SLC15A1: variants seen among roughly 807,000 people sequenced by gnomAD.
SLC15A1 encodes Caco-2 oligopeptide transporter.
A neutral mutation model predicts 92.9 loss-of-function variants in SLC15A1; 83 were observed. The observed-to-expected ratio is 0.89, with a 90% CI of 0.75 to 1.07. The LOEUF is 1.07. Among genes scored for constraint, SLC15A1 ranks in the 50% least tolerant of loss-of-function variants. The pLI is 0.00. For missense variants in SLC15A1, 857 were observed against 880.1 expected (o/e 0.97, Z 0.33); for synonymous variants, 322 against 318.2 (o/e 1.01, Z -0.13).
intron 16 of SLC15A1, among the ~76,000 whole-genome samples, chr13:98,705,433 A>G (rs2088105100): frequency 6.6e-6 from 1 of 152,156 alleles, no homozygotes; most frequent in African/African-American, 2.4e-5. Flanking sequence ...TGCCAGCAGC[A>G]TACTCCCAGT....
At chr13:98,686,138 A>G in intron 22 of SLC15A1, 52 bp downstream of exon 22, 1 of 1,342,650 alleles carries the variant, frequency 7.4e-7, no homozygotes, top group Non-Finnish European at 1.1e-6. Flanking sequence ...CACCATGATG[A>G]CCATGAACAG....
chr13:98,721,875 T>A lies in SLC15A1; in HGVS notation c.394A>T (p.Ile132Leu), dbSNP rs776190122. ...VVLSLIGLALIALGTGGIKPC... is the reference protein window; with the variant it reads ...VVLSLIGLALLALGTGGIKPC... ...TTGATTCCTCCAGTCCCGAGAGCTA[T>A]CAGGGCCAGGCCGATCAAGGACAGC... The change falls in exon 6 of 23, where the codon ATA becomes TTA. Residue 132 changes from isoleucine (I) to leucine (L), a missense_variant. By Grantham distance (5) the Ile-to-Leu change is conservative (BLOSUM62 2). Transcript: ENST00000376503. The A allele has an allele frequency of 6.2e-7, 1 of 1,613,998 alleles. No homozygotes were observed. Among genetic ancestry groups the A allele is most frequent in the South Asian group, 1.1e-5 (1 of 91,048 alleles).
intron 22 of SLC15A1, among the ~76,000 whole-genome samples, chr13:98,685,822 C>T (rs1438664173): frequency 6.6e-6 from 1 of 152,174 alleles, no homozygotes; most frequent in East Asian, 1.9e-4. Context: ...ACTGTCTCTA[C>T]TAAAAATACA....
At chr13:98,697,658 A>G (rs1379687019) in intron 18 of SLC15A1, among the ~76,000 whole-genome samples, 9 of 147,026 alleles carry the variant, frequency 6.1e-5, no homozygotes, top group Non-Finnish European at 3.0e-5. Flanking sequence ...TCAAGCCTCC[A>G]AAGTTATGGA....
chr13:98,689,453 A>G (rs1037153441), intron 18 of SLC15A1, among the ~76,000 whole-genome samples: 13 of 151,802 alleles, frequency 8.6e-5, no homozygotes, highest in African/African-American at 3.1e-4. Context: ...CGGTTTTTTC[A>G]GTCTTTTTTA....
intron 4 of SLC15A1, 36 bp from the exon 5 acceptor site, chr13:98,724,067 T>A (rs748873189): frequency 6.2e-7 from 1 of 1,611,688 alleles, no homozygotes; most frequent in Non-Finnish European, 8.5e-7. Context: ...CCGAGTTAAT[T>A]GCACAATAGC....
chr13:98,743,584 T>C (rs1023026319), intron 1 of SLC15A1, among the ~76,000 whole-genome samples: 3 of 152,160 alleles, frequency 2.0e-5, no homozygotes, highest in African/African-American at 7.2e-5. Flanking sequence ...AGGGTTCACA[T>C]GCAGCAAAGC....
rs550700409 is a variant in SLC15A1 at position 98,702,497 on chromosome 13, T to C, written c.1449A>G (p.Lys483=). 384 of 1,606,646 alleles carry C rather than the reference T, an allele frequency of 2.4e-4. 1 individual carries two copies. The Middle Eastern group carries it at 3.6e-3, about 15-fold the overall frequency. Residue 483 remains lysine, a synonymous_variant, in exon 18 of 23, where the codon AAA becomes AAG. Transcript: ENST00000376503. ...VKDGLNQKPE[K]GENGIRFVNT... ...ATACATACCTGATTCCATTTTCCCCTTTTTCTGGCTTCTGGTTAAGACCAT... is the reference window on the plus strand; with the variant it reads ...ATACATACCTGATTCCATTTTCCCCCTTTTCTGGCTTCTGGTTAAGACCAT...
In SLC15A1 at chr13:98,709,589, T is replaced by C. The variant is rs1300178612; in HGVS notation, c.1050A>G (p.Lys350=). ...TCACCTACGTGAAATTGAAGCCACA[T>C]TTTGCAATGAGAGGGTACAGCACAG... ...FDAVLYPLIA[K]CGFNFTSLKK... Residue 350 remains lysine, a synonymous_variant, in exon 14 of 23, where the codon AAA becomes AAG. Transcript: ENST00000376503. 1 of 1,614,098 alleles carries C rather than the reference T, an allele frequency of 6.2e-7. No individual in the cohort carries two copies. The highest frequency in any genetic ancestry group is 8.5e-7 in the Non-Finnish European group (1 of 1,180,028).
At chr13:98,710,808 CAAAAAAAA>C (rs4646225) in intron 11 of SLC15A1, among the ~76,000 whole-genome samples, 9 of 71,678 alleles carry the variant, frequency 1.3e-4, no homozygotes, top group East Asian at 4.3e-4. Flanking sequence ...ACTCTTGACT[CAAAAAAAA>C]AAAAAAAAAA....
chr13:98,709,571 C>G lies in SLC15A1; in HGVS notation c.1067+1G>C, dbSNP rs534049646. On this transcript the variant is annotated splice_donor_variant, in intron 14 of 22. Transcript: ENST00000376503. LOFTEE classifies it high-confidence loss of function. ...ACCAACCCAACCCACCCGTCACCTA[C>G]GTGAAATTGAAGCCACATTTTGCAA... 1 of 1,613,950 alleles carries G rather than the reference C, an allele frequency of 6.2e-7. No individual in the cohort carries two copies. The highest frequency in any genetic ancestry group is 1.1e-5 in the South Asian group (1 of 91,040).
rs1268295936 is a variant in SLC15A1 at position 98,749,587 on chromosome 13, T to C, written c.4+3008A>G. Among the ~76,000 whole-genome samples, 8 of 152,170 alleles carry C rather than the reference T, an allele frequency of 5.3e-5. No homozygotes were observed. In the East Asian group the frequency reaches 1.5e-3, roughly 29 times the overall value. On this transcript the variant is annotated intron_variant, in intron 1 of 22. Transcript: ENST00000376503. Reference sequence around the variant, plus strand: ...GAAGGCTTCGGAGGCTGCTTTTTCTTACTGACGCTTCTTCCCAGCATATAA... The same window carrying C: ...GAAGGCTTCGGAGGCTGCTTTTTCTCACTGACGCTTCTTCCCAGCATATAA...
At chr13:98,707,897 A>ATT (rs1566447965) in intron 15 of SLC15A1, among the ~76,000 whole-genome samples, 22 of 54,242 alleles carry the variant, frequency 4.1e-4, no homozygotes, top group African/African-American at 9.2e-4. Context: ...TGTTTAAAAA[A>ATT]AAAAAAAAAA....
At chr13:98,695,249 A>G (rs1409797633) in intron 18 of SLC15A1, among the ~76,000 whole-genome samples, 1 of 152,152 alleles carries the variant, frequency 6.6e-6, no homozygotes, top group East Asian at 1.9e-4. Flanking sequence ...CAAACTCTCA[A>G]CCAGTTATTT....
At chr13:98,745,830 T>C (rs2088488607) in intron 1 of SLC15A1, among the ~76,000 whole-genome samples, 1 of 138,572 alleles carries the variant, frequency 7.2e-6, no homozygotes, top group African/African-American at 2.6e-5. Flanking sequence ...TGAGTTTAGG[T>C]GTCTTGATGT....
chr13:98,703,772 A>G (rs1400208622), intron 17 of SLC15A1, among the ~76,000 whole-genome samples: 1 of 151,886 alleles, frequency 6.6e-6, no homozygotes, highest in African/African-American at 2.4e-5. Flanking sequence ...TGTCCAGGCT[A>G]GGTTTCACAG....
chr13:98,735,173 G>A (rs1253590669), intron 1 of SLC15A1, among the ~76,000 whole-genome samples: 3 of 152,172 alleles, frequency 2.0e-5, no homozygotes, highest in African/African-American at 4.8e-5. Context: ...GGGTTGCAAG[G>A]CTGGTTCAAC....
At chr13:98,741,048 C>G (rs76926313) in intron 1 of SLC15A1, among the ~76,000 whole-genome samples, 2,627 of 152,142 alleles carry the variant, frequency 0.017, 92 homozygotes, top group African/African-American at 0.06. Context: ...GCCACCTTTC[C>G]CACCCTCGGG....
At chr13:98,748,175 C>T (rs1392024897) in intron 1 of SLC15A1, among the ~76,000 whole-genome samples, 6 of 152,184 alleles carry the variant, frequency 3.9e-5, no homozygotes, top group Non-Finnish European at 8.8e-5. Context: ...TATTTTTATC[C>T]TCACATGGTT....
Sources: allele counts gnomAD v4.1 joint callset (sites outside exome capture counted in the v4.1 genomes callset), GRCh38; gene constraint gnomAD v4.1.1; transcripts MANE v1.5; gene names NCBI Gene and HGNC (gene_info 2026-07-23, HGNC 2026-07-21).